ETNK1: variants seen among roughly 807,000 people sequenced by gnomAD.
ETNK1 encodes the protein ethanolamine kinase 1, also known as putative protein product of Nbla10396.
ETNK1 carries 8 observed loss-of-function variants against 45.1 expected under a neutral mutation model. That is an observed-to-expected ratio of 0.18 (90% CI 0.10 to 0.32). The LOEUF (loss-of-function observed/expected upper bound fraction) is 0.32. Among genes scored for constraint, ETNK1 ranks in the 10% least tolerant of loss-of-function variants. ETNK1 has a pLI of 1.00. For missense variants in ETNK1, 302 were observed against 430.6 expected, an observed-to-expected ratio of 0.70 and a Z score of 2.64; for synonymous variants, 152 against 151.9, an observed-to-expected ratio of 1.00 and a Z score of -0.01.
chr12:22,629,499 A>G (rs563782593), intron 1 of ETNK1, among the ~76,000 whole-genome samples: 3 of 152,146 alleles, frequency 2.0e-5, no homozygotes, highest in Admixed American at 6.5e-5. Context: ...TAAATAATCT[A>G]TTAAAAACCT....
chr12:22,638,776 T>C (rs1953689958), intron 1 of ETNK1: 2 of 152,204 alleles, frequency 1.3e-5, no homozygotes, highest in Admixed American at 6.5e-5. Flanking sequence ...CATACCCAAA[T>C]TGAGAGAATA....
intron 5 of ETNK1, 127 bp from the exon 6 acceptor site, chr12:22,673,373 A>G (rs1954129273): frequency 1.7e-6 from 1 of 578,580 alleles, no homozygotes; most frequent in Non-Finnish European, 2.9e-6. Context: ...TTTACTTAAC[A>G]TGCAGTATTC....
chr12:22,625,913 C>A (rs1953488244), intron 1 of ETNK1: 3 of 599,668 alleles, frequency 5.0e-6, no homozygotes, highest in Non-Finnish European at 9.4e-6. Flanking sequence ...CAAAATGAAC[C>A]TTTCCACTCC....
At chr12:22,658,930 A>T (rs1186312400) in intron 2 of ETNK1, 84 bp from the exon 3 acceptor site, 1 of 1,422,748 alleles carries the variant, frequency 7.0e-7, no homozygotes, top group African/African-American at 1.4e-5. Flanking sequence ...GAGACTGACT[A>T]AAGTTTCATC....
At chr12:22,640,679 C>T (rs969083998) in intron 1 of ETNK1, among the ~76,000 whole-genome samples, 5 of 152,000 alleles carry the variant, frequency 3.3e-5, no homozygotes, top group African/African-American at 1.2e-4. Flanking sequence ...ATCTTCAGAA[C>T]AATGCAAGAA....
rs148978806 is a variant in ETNK1 at position 22,684,230 on chromosome 12, T to A, written c.946-253T>A. Reference sequence around the variant, plus strand: ...AAACTTTGCTTTATAAAAAAGCACATCACAGGAACTGGCCTCTATTTTTCA... The same window carrying A: ...AAACTTTGCTTTATAAAAAAGCACAACACAGGAACTGGCCTCTATTTTTCA... On this transcript the variant is annotated intron_variant, in intron 6 of 7. Transcript: ENST00000266517. 4.5e-4 allele frequency among the ~76,000 whole-genome samples: 68 copies of A among 152,252 alleles called. 1 individual carries two copies. In the East Asian group the frequency reaches 0.012, roughly 26 times the overall value.
At chr12:22,671,723 C>T (rs1954109048) in intron 5 of ETNK1, among the ~76,000 whole-genome samples, 1 of 151,330 alleles carries the variant, frequency 6.6e-6, no homozygotes, top group Non-Finnish European at 1.5e-5. Context: ...CCTGTAGTCC[C>T]AGCTACTTGG....
At position 22,647,113 on chromosome 12, in the gene ETNK1, A is replaced by G. The variant is rs188654087; in HGVS notation, c.416+3091A>G. ...AATTTATCATTCTCTGTTTTATTTGAGCTTTTTTGTAGCAATCAGTTATTA... is the reference window on the plus strand; with the variant it reads ...AATTTATCATTCTCTGTTTTATTTGGGCTTTTTTGTAGCAATCAGTTATTA... On this transcript the variant is annotated intron_variant, in intron 2 of 7. Coordinates refer to ENST00000266517, the MANE Select transcript of ETNK1 (RefSeq NM_018638.5). 7.2e-5 allele frequency among the ~76,000 whole-genome samples: 11 copies of G among 151,850 alleles called. No individual in the cohort carries two copies. The East Asian group carries it at 2.1e-3, about 29-fold the overall frequency.
chr12:22,659,313 A>G (rs1047262470), intron 3 of ETNK1, among the ~76,000 whole-genome samples, 159 bp downstream of exon 3: 1 of 152,212 alleles, frequency 6.6e-6, no homozygotes, highest in Non-Finnish European at 1.5e-5. Flanking sequence ...ATAGCACTAC[A>G]GAAATAACTG....
chr12:22,658,946 T>G, intron 2 of ETNK1, 68 bp from the exon 3 acceptor site: 1 of 1,489,980 alleles, frequency 6.7e-7, no homozygotes, highest in Non-Finnish European at 9.1e-7. Context: ...TCATCAAGAA[T>G]CTTTGTCAGG....
chr12:22,635,756 G>T (rs926685186), intron 1 of ETNK1, among the ~76,000 whole-genome samples: 1 of 152,088 alleles, frequency 6.6e-6, no homozygotes, highest in African/African-American at 2.4e-5. Context: ...TTTATTTGGT[G>T]TGTGTGTTAT....
At chr12:22,677,049 T>C (rs920716309) in intron 6 of ETNK1, among the ~76,000 whole-genome samples, 1 of 152,224 alleles carries the variant, frequency 6.6e-6, no homozygotes, top group African/African-American at 2.4e-5. Flanking sequence ...TTGGTTGCCA[T>C]TGCTTTTGGT....
chr12:22,667,510 C>T (rs943351512), intron 4 of ETNK1, among the ~76,000 whole-genome samples: 1 of 152,094 alleles, frequency 6.6e-6, no homozygotes, highest in Admixed American at 6.6e-5. Flanking sequence ...GATGAGTGCT[C>T]TGGTGAAGGG....
chr12:22,670,761 A>G (rs1403509570), intron 4 of ETNK1, among the ~76,000 whole-genome samples: 1 of 152,210 alleles, frequency 6.6e-6, no homozygotes, highest in East Asian at 1.9e-4. Flanking sequence ...GTGATCTTAC[A>G]TTGCTCAGCA....
chr12:22,672,772 A>G (rs184535883), intron 5 of ETNK1, among the ~76,000 whole-genome samples: 1 of 152,358 alleles, frequency 6.6e-6, no homozygotes, highest in African/African-American at 2.4e-5. Context: ...ACAGAGTTAT[A>G]GGACTAGTGA....
chr12:22,625,731 C>T (rs1953484962), intron 1 of ETNK1, 145 bp downstream of exon 1: 3 of 1,194,872 alleles, frequency 2.5e-6, no homozygotes, highest in South Asian at 1.3e-5. Flanking sequence ...CCCTGTATTT[C>T]CCCTCACACC....
chr12:22,671,166 C>A lies in ETNK1; in HGVS notation c.701-106C>A, dbSNP rs114644181. 1,023 of 825,912 alleles carry A rather than the reference C, an allele frequency of 1.2e-3. 11 individuals are homozygous for A. In the African/African-American group the frequency reaches 0.016, roughly 13 times the overall value. 51.2% of individuals were successfully genotyped at this position (825,912 alleles called of 1,614,324 possible). A position where few individuals can be genotyped will look rare whatever the true frequency, so the allele number is the denominator to read the frequency against. ...TCTCACAAGTGCATGTAATCAAGCA[C>A]GTACAATGAGACAAAATATTGGAAG... On this transcript the variant is annotated intron_variant, in intron 4 of 7. Transcript: ENST00000266517.
chr12:22,663,428 A>G (rs903181788), intron 4 of ETNK1, among the ~76,000 whole-genome samples: 1 of 152,140 alleles, frequency 6.6e-6, no homozygotes, highest in Non-Finnish European at 1.5e-5. Context: ...TTATTTTTGT[A>G]AGTTTCTTTT....
chr12:22,644,921 G>A (rs1031384392), intron 2 of ETNK1, among the ~76,000 whole-genome samples: 1 of 151,892 alleles, frequency 6.6e-6, no homozygotes, highest in African/African-American at 2.4e-5. Flanking sequence ...GTTAAGAATT[G>A]CTAAGTTAAT....
Sources: gnomAD v4.1 joint callset for allele counts (sites outside exome capture counted in the v4.1 genomes callset) on GRCh38, gnomAD v4.1.1 for gene constraint, MANE v1.5 for transcripts, NCBI Gene and HGNC (gene_info 2026-07-23, HGNC 2026-07-21) for gene names.